Variants in CHCHD3 observed in about 807,000 individuals in gnomAD.
CHCHD3 encodes the protein coiled-coil-helix-coiled-coil-helix domain containing 3.
In CHCHD3, 20 loss-of-function variants were observed where a neutral mutation model predicts 38.2. The ratio of observed to expected loss-of-function variants is 0.52; its 90% CI spans 0.37 to 0.76. The LOEUF is 0.76. Ranked by LOEUF, CHCHD3 falls within the 30% of genes least tolerant of loss-of-function variation. CHCHD3 has a pLI of 0.00. For missense variants in CHCHD3, 245 were observed against 279.2 expected, an observed-to-expected ratio of 0.88 and a Z score of 0.87; for synonymous variants, 82 against 100.0, an observed-to-expected ratio of 0.82 and a Z score of 1.07.
chr7:132,802,200 G>A (rs1806810509), intron 6 of CHCHD3, among the ~76,000 whole-genome samples: 1 of 152,022 alleles, frequency 6.6e-6, no homozygotes, highest in Non-Finnish European at 1.5e-5. Flanking sequence ...ATGATGGGGG[G>A]CAGGGTGGAA....
At chr7:133,077,227 T>C (rs1369454241) in intron 1 of CHCHD3, among the ~76,000 whole-genome samples, 1 of 152,200 alleles carries the variant, frequency 6.6e-6, no homozygotes, top group Non-Finnish European at 1.5e-5. Context: ...AAAAACTTCA[T>C]AGAATCTAAA....
intron 7 of CHCHD3, among the ~76,000 whole-genome samples, chr7:132,791,158 TTTGG>T (rs1030864803): frequency 1.3e-5 from 2 of 152,148 alleles, no homozygotes; most frequent in Non-Finnish European, 2.9e-5. Flanking sequence ...TCCTGGGAAA[TTTGG>T]TCAAAGTTCA....
intron 2 of CHCHD3, among the ~76,000 whole-genome samples, chr7:133,055,713 T>C (rs73439227): frequency 6.6e-4 from 100 of 151,098 alleles, no homozygotes; most frequent in African/African-American, 2.4e-3. Context: ...AAAATATAGA[T>C]AAAATGTCAT....
At chr7:132,842,116 T>G (rs1807956190) in intron 5 of CHCHD3, among the ~76,000 whole-genome samples, 2 of 151,958 alleles carry the variant, frequency 1.3e-5, no homozygotes, top group African/African-American at 4.8e-5. Flanking sequence ...AAAAAATTTT[T>G]TTTAATATTT....
intron 7 of CHCHD3, among the ~76,000 whole-genome samples, chr7:132,787,524 T>G (rs1004269742): frequency 6.6e-6 from 1 of 151,396 alleles, no homozygotes; most frequent in Admixed American, 6.6e-5. Flanking sequence ...AGGAGGAGGA[T>G]GACTTAAATT....
At chr7:132,874,178 T>C (rs1383817289) in intron 5 of CHCHD3, among the ~76,000 whole-genome samples, 1 of 152,166 alleles carries the variant, frequency 6.6e-6, no homozygotes, top group East Asian at 1.9e-4. Context: ...CCTGCTTTTA[T>C]AGAGTTTATA....
rs145475851 is a variant in CHCHD3, at chr7:132,911,237, A to T, written c.370-25492T>A. Among the ~76,000 whole-genome samples, 54 of 152,272 alleles carry T rather than the reference A, an allele frequency of 3.5e-4. No homozygotes were observed. The East Asian group carries it at 5.2e-3, about 15-fold the overall frequency. On this transcript the variant is annotated intron_variant, in intron 4 of 7. Transcript: ENST00000262570. ...CCTCTTGGAATTAAAAACTAATAGG[A>T]ACAATATGGGAAGGGGTCCCAGTCA...
chr7:132,888,104 A>G (rs1809261597), intron 4 of CHCHD3, among the ~76,000 whole-genome samples: 1 of 151,884 alleles, frequency 6.6e-6, no homozygotes, highest in African/African-American at 2.4e-5. Flanking sequence ...AAAAAGCTAT[A>G]TAAAGGCAGT....
chr7:132,906,853 T>C, intron 4 of CHCHD3, among the ~76,000 whole-genome samples: 1 of 152,202 alleles, frequency 6.6e-6, no homozygotes, highest in East Asian at 1.9e-4. Context: ...ACTATCCAAA[T>C]AGCTCCTGTA....
rs74956117 is a variant in CHCHD3, at chr7:133,073,408, C to A, written c.82-3179G>T. Among the ~76,000 whole-genome samples, 417 of 152,254 alleles carry A rather than the reference C, an allele frequency of 2.7e-3. 11 individuals carry two copies. In the East Asian group the frequency reaches 0.045, roughly 16 times the overall value. ...TAAATGCATTCACTCGAGCTTAAGA[C>A]CTATCTCTCAGAAGCCCGGTCTCCA... On this transcript the variant is annotated intron_variant, in intron 1 of 7. Coordinates refer to ENST00000262570, the MANE Select transcript of CHCHD3 (RefSeq NM_017812.4).
At chr7:133,078,511 A>G (rs963234030) in intron 1 of CHCHD3, among the ~76,000 whole-genome samples, 4 of 152,186 alleles carry the variant, frequency 2.6e-5, no homozygotes, top group African/African-American at 9.7e-5. Flanking sequence ...ACTCAAAAAA[A>G]CCTCATAATT....
chr7:133,071,713 G>A (rs1436082188), intron 1 of CHCHD3, among the ~76,000 whole-genome samples: 4 of 152,116 alleles, frequency 2.6e-5, no homozygotes, highest in Non-Finnish European at 4.4e-5. Flanking sequence ...GTCTATCTAC[G>A]GTGAATGGAT....
intron 6 of CHCHD3, among the ~76,000 whole-genome samples, chr7:132,814,005 G>A (rs1338450576): frequency 2.6e-5 from 4 of 152,186 alleles, no homozygotes; most frequent in African/African-American, 7.2e-5. Flanking sequence ...ACCCACTGCT[G>A]GTGGCAGGGC....
intron 4 of CHCHD3, among the ~76,000 whole-genome samples, chr7:132,941,794 C>T (rs1429997753): frequency 1.3e-5 from 2 of 152,168 alleles, no homozygotes; most frequent in Non-Finnish European, 2.9e-5. Flanking sequence ...TCAACAACAA[C>T]AGCTCTTGGG....
At chr7:132,966,369 C>T (rs553160048) in intron 4 of CHCHD3, among the ~76,000 whole-genome samples, 4 of 152,258 alleles carry the variant, frequency 2.6e-5, no homozygotes, top group East Asian at 1.9e-4. Context: ...CTGCCCCCAT[C>T]GCCAAATCAG....
chr7:133,029,922 C>T (rs897302185), intron 2 of CHCHD3, among the ~76,000 whole-genome samples: 2 of 151,682 alleles, frequency 1.3e-5, no homozygotes, highest in African/African-American at 4.8e-5. Flanking sequence ...AAAGACATGT[C>T]CAAGTGACCA....
At chr7:133,067,994 T>C (rs1229140103) in intron 2 of CHCHD3, among the ~76,000 whole-genome samples, 1 of 151,964 alleles carries the variant, frequency 6.6e-6, no homozygotes, top group Admixed American at 6.6e-5. Flanking sequence ...TGGGAGCCTG[T>C]AGTCCCAGCT....
chr7:132,958,192 A>G (rs1811228724), intron 4 of CHCHD3, among the ~76,000 whole-genome samples: 1 of 152,226 alleles, frequency 6.6e-6, no homozygotes, highest in Non-Finnish European at 1.5e-5. Flanking sequence ...GAGACCTACA[A>G]GGGCCAGAGT....
rs568692580 is a variant in CHCHD3, at chr7:132,842,609, C to T, written c.454-4140G>A. 1.4e-3 allele frequency among the ~76,000 whole-genome samples: 213 copies of T among 152,236 alleles called. 2 individuals carry two copies. Among genetic ancestry groups the T allele is most frequent in the African/African-American group, 5.1e-3 (210 of 41,532 alleles). ...AGTCCCCTCTCATCTGTAACAGTTCCTCAGTCTTCCTTCTCTGTTATGACC... is the reference window on the plus strand; with the variant it reads ...AGTCCCCTCTCATCTGTAACAGTTCTTCAGTCTTCCTTCTCTGTTATGACC... On this transcript the variant is annotated intron_variant, in intron 5 of 7. Transcript: ENST00000262570.
Sources: allele counts gnomAD v4.1 joint callset (sites outside exome capture counted in the v4.1 genomes callset), GRCh38; gene constraint gnomAD v4.1.1; transcripts MANE v1.5; gene names NCBI Gene and HGNC (gene_info 2026-07-23, HGNC 2026-07-21).